The following WDFY2 variants were observed in gnomAD, a reference collection of about 807,000 sequenced individuals.
WDFY2 encodes the protein WD repeat and FYVE domain-containing protein 2.
WDFY2 carries 36 observed loss-of-function variants against 56.4 expected under a neutral mutation model. That is an observed-to-expected ratio of 0.64 (90% confidence interval 0.49 to 0.84). The LOEUF is 0.84. Ranked by LOEUF, WDFY2 falls within the 40% of genes least tolerant of loss-of-function variation. WDFY2 has a pLI of 0.00. For synonymous variants in WDFY2, 176 were observed against 183.7 expected (o/e 0.96, Z 0.34); for missense variants, 444 against 512.2 (o/e 0.87, Z 1.29).
chr13:51,737,905 G>A (rs1230089416), intron 6 of WDFY2, among the ~76,000 whole-genome samples: 2 of 152,194 alleles, frequency 1.3e-5, no homozygotes, highest in Non-Finnish European at 1.5e-5. Flanking sequence ...TGGGGTGCAG[G>A]TTTAGGAAGA....
chr13:51,668,122 A>T (rs1593962497), intron 2 of WDFY2, among the ~76,000 whole-genome samples: 1 of 151,662 alleles, frequency 6.6e-6, no homozygotes, highest in Non-Finnish European at 1.5e-5. Context: ...TTCGTGATGC[A>T]CCTGCCTCGG....
chr13:51,690,192 ATATAT>A (rs1358797486), intron 3 of WDFY2, among the ~76,000 whole-genome samples: 1 of 3,916 alleles, frequency 2.6e-4, no homozygotes, highest in Non-Finnish European at 2.8e-3. Context: ...CATTATATAT[ATATAT>A]TTTTTTTATT....
chr13:51,643,331 G>A (rs978180193), intron 1 of WDFY2, among the ~76,000 whole-genome samples: 8 of 152,142 alleles, frequency 5.3e-5, no homozygotes, highest in Admixed American at 5.2e-4. Context: ...AACAGTAGCA[G>A]CCAGGGGCAT....
intron 1 of WDFY2, among the ~76,000 whole-genome samples, chr13:51,658,979 T>C (rs2138451456): frequency 6.6e-6 from 1 of 152,056 alleles, no homozygotes; most frequent in African/African-American, 2.4e-5. Flanking sequence ...CAGGCAGGAG[T>C]GTAATGGCGC....
At chr13:51,628,831 A>G (rs1346765785) in intron 1 of WDFY2, among the ~76,000 whole-genome samples, 1 of 152,212 alleles carries the variant, frequency 6.6e-6, no homozygotes, top group Non-Finnish European at 1.5e-5. Context: ...ACCAGCATTT[A>G]AAAAATAGTG....
rs557941380 is a variant in WDFY2 at position 51,612,063 on chromosome 13, A to C, written c.137+27239A>C. On this transcript the variant is annotated intron_variant, in intron 1 of 11. Coordinates refer to ENST00000298125, the MANE Select transcript of WDFY2 (RefSeq NM_052950.4). ...TCTTACCAGACAATACATTTTCCTT[A>C]TTCTAGTTGAGAGCATCCTAATTCA... Among the ~76,000 whole-genome samples the C allele has an allele frequency of 2.6e-5, 4 of 152,224 alleles. No individual in the cohort carries two copies. The South Asian group carries it at 8.3e-4, about 32-fold the overall frequency.
intron 6 of WDFY2, among the ~76,000 whole-genome samples, chr13:51,733,633 A>G (rs1357531874): frequency 1.3e-5 from 2 of 152,220 alleles, no homozygotes; most frequent in Non-Finnish European, 2.9e-5. Context: ...TTAGGAGGCT[A>G]CTGCTGGAGT....
intron 1 of WDFY2, among the ~76,000 whole-genome samples, chr13:51,651,396 T>C (rs946413930): frequency 2.0e-5 from 3 of 152,216 alleles, no homozygotes; most frequent in Admixed American, 6.5e-5. Context: ...TTGAAGCATT[T>C]TTTTGTGTCT....
In WDFY2 at chr13:51,674,282, G is replaced by A. The variant is rs781402086; in HGVS notation, c.206-888G>A. 3.9e-5 allele frequency among the ~76,000 whole-genome samples: 6 copies of A among 152,292 alleles called. No individual in the cohort carries two copies. In the East Asian group the frequency reaches 1.2e-3, roughly 29 times the overall value. ...GGGAGACATATAAAAACTGTGCTGG[G>A]CTCTTTAGAACAACTATTAAATATT... On this transcript the variant is annotated intron_variant, in intron 2 of 11. Coordinates refer to ENST00000298125, the MANE Select transcript of WDFY2 (RefSeq NM_052950.4).
intron 1 of WDFY2, among the ~76,000 whole-genome samples, chr13:51,599,861 A>T (rs1397297715): frequency 6.6e-6 from 1 of 152,078 alleles, no homozygotes; most frequent in African/African-American, 2.4e-5. Flanking sequence ...GGTGAAAGTT[A>T]AAGATGCCAT....
intron 1 of WDFY2, among the ~76,000 whole-genome samples, chr13:51,644,128 G>A (rs984908794): frequency 6.6e-6 from 1 of 152,070 alleles, no homozygotes; most frequent in Non-Finnish European, 1.5e-5. Flanking sequence ...AGTCAGGGAA[G>A]TATAAAACCC....
intron 8 of WDFY2, among the ~76,000 whole-genome samples, chr13:51,754,840 A>G (rs1423776006): frequency 6.6e-6 from 1 of 152,220 alleles, no homozygotes; most frequent in Non-Finnish European, 1.5e-5. Flanking sequence ...TTAGTTTATT[A>G]TATATTGAAC....
chr13:51,673,529 ATTT>A (rs1257247756), intron 2 of WDFY2, among the ~76,000 whole-genome samples: 2 of 152,182 alleles, frequency 1.3e-5, no homozygotes, highest in Admixed American at 6.5e-5. Flanking sequence ...CACAAGAATA[ATTT>A]TTCCATGTAT....
Position 51,758,197 on chromosome 13 carries a change from C to T in WDFY2, c.1070C>T (p.Ala357Val). The T allele has an allele frequency of 6.4e-7, 1 of 1,570,590 alleles. No homozygotes were observed. The highest frequency in any genetic ancestry group is 8.7e-7 in the Non-Finnish European group (1 of 1,147,686). ...CHEAITDEER[A>V]PTATFHDSKH... ...GCTTTCTTTGCTCCTTCTAGACGTGCACCCACAGCCACCTTCCATGACAGT... is the reference window on the plus strand; with the variant it reads ...GCTTTCTTTGCTCCTTCTAGACGTGTACCCACAGCCACCTTCCATGACAGT... Residue 357 changes from alanine to valine, a missense_variant, in exon 11 of 12, where the codon GCA becomes GTA. Physicochemically the swap from Ala to Val is moderately conservative, Grantham distance 64. Coordinates refer to ENST00000298125, the MANE Select transcript of WDFY2 (RefSeq NM_052950.4).
At chr13:51,719,467 AT>A in intron 5 of WDFY2, 119 bp downstream of exon 5, 1 of 1,152,802 alleles carries the variant, frequency 8.7e-7, no homozygotes, top group Non-Finnish European at 1.2e-6. Flanking sequence ...CCCAGTGTGG[AT>A]TACAATGCTC....
intron 1 of WDFY2, among the ~76,000 whole-genome samples, chr13:51,638,341 A>C (rs1219632796): frequency 6.6e-6 from 1 of 152,220 alleles, no homozygotes; most frequent in East Asian, 1.9e-4. Flanking sequence ...GGCAGTACGG[A>C]TAGCAGAGAA....
chr13:51,695,164 A>C (rs1043478180), intron 3 of WDFY2, among the ~76,000 whole-genome samples: 6 of 152,154 alleles, frequency 3.9e-5, no homozygotes, highest in African/African-American at 1.4e-4. Context: ...GATCGTCTGA[A>C]GCCTTCTTCT....
chr13:51,761,039 G>A lies in WDFY2; in HGVS notation c.*1270G>A, dbSNP rs184981971. On this transcript the variant is annotated 3_prime_UTR_variant, in exon 12 of 12. Coordinates refer to ENST00000298125, the MANE Select transcript of WDFY2 (RefSeq NM_052950.4). ...TGAACATGTTCATTACGGCAAGATTGTAATCCTGCTGTATTCCTCGCCCTC... is the reference window on the plus strand; with the variant it reads ...TGAACATGTTCATTACGGCAAGATTATAATCCTGCTGTATTCCTCGCCCTC... The A allele has an allele frequency of 1.3e-5, 2 of 152,346 alleles. No individual in the cohort carries two copies. Among genetic ancestry groups the A allele is most frequent in the African/African-American group, 2.4e-5 (1 of 41,578 alleles). The allele number at this position is 152,346 out of a possible 1,614,324, so 9.4% of individuals were successfully genotyped here.
At chr13:51,719,937 A>G (rs564754627) in intron 5 of WDFY2, among the ~76,000 whole-genome samples, 1 of 152,300 alleles carries the variant, frequency 6.6e-6, no homozygotes, top group African/African-American at 2.4e-5. Flanking sequence ...CCTCATGCTC[A>G]TGGTGAATCC....
Sources: gnomAD v4.1 joint callset for allele counts (sites outside exome capture counted in the v4.1 genomes callset) on GRCh38, gnomAD v4.1.1 for gene constraint, MANE v1.5 for transcripts, NCBI Gene and HGNC (gene_info 2026-07-23, HGNC 2026-07-21) for gene names.